The following UBAP2L variants were observed in gnomAD, a reference collection of about 807,000 sequenced individuals.
UBAP2L encodes the protein ubiquitin-associated protein 2-like.
UBAP2L carries 12 observed loss-of-function variants against 130.6 expected under a neutral mutation model. That is an observed-to-expected ratio of 0.09 (90% CI 0.06 to 0.15). The LOEUF is 0.15. Among genes scored for constraint, UBAP2L ranks in the 10% least tolerant of loss-of-function variants. The probability of loss-of-function intolerance (pLI) is 1.00; values close to 1 mark genes in which losing one functional copy is unlikely to be tolerated. For synonymous variants in UBAP2L, 503 were observed against 524.7 expected (o/e 0.96, Z 0.57); for missense variants, 965 against 1,332.5 (o/e 0.72, Z 4.29).
intron 8 of UBAP2L, among the ~76,000 whole-genome samples, chr1:154,239,698 A>AT (rs901336372): frequency 3.9e-5 from 6 of 152,170 alleles, no homozygotes; most frequent in African/African-American, 1.4e-4. Context: ...GCAGAAAAAA[A>AT]TTCTTGCATC....
upstream of UBAP2L, chr1:154,220,905 G>A (rs1262548133): frequency 5.7e-6 from 1 of 175,134 alleles, no homozygotes; most frequent in Admixed American, 6.0e-5. Context: ...GGGAGGGGGT[G>A]GGGAAGAGGG....
chr1:154,229,345 G>A (rs1401774272), intron 4 of UBAP2L, among the ~76,000 whole-genome samples: 2 of 152,064 alleles, frequency 1.3e-5, no homozygotes, highest in Non-Finnish European at 2.9e-5. Context: ...CCCACTTCAT[G>A]AGAATTCTGT....
chr1:154,231,768 G>A (rs746988305), intron 4 of UBAP2L, among the ~76,000 whole-genome samples: 7 of 152,130 alleles, frequency 4.6e-5, no homozygotes, highest in East Asian at 3.9e-4. Context: ...CTAATATTCC[G>A]TTGTACATAT....
chr1:154,255,575 C>A, intron 17 of UBAP2L, 108 bp from the exon 18 acceptor site: 1 of 1,340,482 alleles, frequency 7.5e-7, no homozygotes, highest in Admixed American at 1.7e-5. Context: ...TCTCAGACCT[C>A]CTTGGTGTCC....
At chr1:154,253,859 C>G in intron 14 of UBAP2L, 41 bp from the exon 15 acceptor site, 1 of 1,599,780 alleles carries the variant, frequency 6.3e-7, no homozygotes, top group Non-Finnish European at 8.6e-7. Flanking sequence ...TAGATATGCT[C>G]TATTTTGTTT....
At chr1:154,269,390 G>T in intron 26 of UBAP2L, 1 of 1,313,602 alleles carries the variant, frequency 7.6e-7, no homozygotes, top group African/African-American at 1.5e-5. Flanking sequence ...ATTCTCTGTT[G>T]CCAGCGCCAG....
chr1:154,269,200 TGTGCCACA>T, intron 26 of UBAP2L: 1 of 816,162 alleles, frequency 1.2e-6, no homozygotes, highest in South Asian at 1.7e-5. Flanking sequence ...CTTCTCCTCC[TGTGCCACA>T]GTTGTCCTCA....
intron 5 of UBAP2L, 144 bp downstream of exon 5, chr1:154,234,903 C>A: frequency 9.1e-7 from 1 of 1,102,262 alleles, no homozygotes; most frequent in Non-Finnish European, 1.3e-6. Context: ...GAGACCTTGA[C>A]ATCTCTTGCA....
chr1:154,220,584 A>T, upstream of UBAP2L: 1 of 645,722 alleles, frequency 1.5e-6, no homozygotes, highest in East Asian at 2.7e-5. Context: ...GAGAGCTGGG[A>T]AAGGAGAACG....
chr1:154,254,778 T>A (rs1349917502), intron 15 of UBAP2L, 58 bp from the exon 16 acceptor site: 1 of 1,561,596 alleles, frequency 6.4e-7, no homozygotes, highest in Non-Finnish European at 8.7e-7. Flanking sequence ...GTGCTAACTT[T>A]CCTCATTCAC....
downstream of UBAP2L, chr1:154,270,936 T>A: frequency 6.4e-7 from 1 of 1,550,480 alleles, no homozygotes; most frequent in Non-Finnish European, 8.7e-7. Flanking sequence ...CTGTACCAAC[T>A]GGGCCTCCTC....
intron 26 of UBAP2L, chr1:154,269,416 A>G (rs767744589): frequency 3.1e-6 from 4 of 1,308,656 alleles, no homozygotes. Context: ...GGAGCAGGTA[A>G]TGAAATTGAA....
intron 19 of UBAP2L, 28 bp downstream of exon 19, chr1:154,257,286 C>T (rs1168317905): frequency 6.2e-7 from 1 of 1,614,152 alleles, no homozygotes; most frequent in Non-Finnish European, 8.5e-7. Context: ...GATGGCATTC[C>T]TCTGGGATGG....
intron 7 of UBAP2L, 116 bp from the exon 8 acceptor site, chr1:154,236,908 A>T: frequency 1.3e-6 from 1 of 788,796 alleles, no homozygotes; most frequent in Non-Finnish European, 2.1e-6. Context: ...AGGATTATAG[A>T]ATGGGGCCAT....
At chr1:154,261,734 G>A in intron 24 of UBAP2L, 37 bp downstream of exon 24, 1 of 1,599,730 alleles carries the variant, frequency 6.3e-7, no homozygotes, top group Non-Finnish European at 8.6e-7. Context: ...TGTTATCTGT[G>A]GGGTGTTATT....
At chr1:154,235,546 G>A (rs1400097090) in intron 6 of UBAP2L, among the ~76,000 whole-genome samples, 1 of 151,768 alleles carries the variant, frequency 6.6e-6, no homozygotes, top group African/African-American at 2.4e-5. Context: ...GTCTCGCACT[G>A]TCACCCAGGC....
intron 10 of UBAP2L, among the ~76,000 whole-genome samples, chr1:154,245,202 G>A (rs573190612): frequency 6.6e-6 from 1 of 152,140 alleles, no homozygotes; most frequent in Non-Finnish European, 1.5e-5. Context: ...CGAGTTACAG[G>A]TGTGAGCCAC....
At chr1:154,269,072 C>A in intron 26 of UBAP2L, 118 bp downstream of exon 26, 1 of 1,234,340 alleles carries the variant, frequency 8.1e-7, no homozygotes, top group South Asian at 1.4e-5. Context: ...CCCTCCCCAG[C>A]GCCAGTCATG....
chr1:154,244,371 T>TTTTTTG (rs2148780472), intron 10 of UBAP2L, among the ~76,000 whole-genome samples: 1 of 152,216 alleles, frequency 6.6e-6, no homozygotes, highest in South Asian at 2.1e-4. Flanking sequence ...CCGTTACTGT[T>TTTTTTG]TTTTTGTTTT....
Sources: gnomAD v4.1 joint callset for allele counts (sites outside exome capture counted in the v4.1 genomes callset) on GRCh38, gnomAD v4.1.1 for gene constraint, MANE v1.5 for transcripts, NCBI Gene and HGNC (gene_info 2026-07-23, HGNC 2026-07-21) for gene names.